LUZP2: variants seen among roughly 807,000 people sequenced by gnomAD.
LUZP2 encodes the protein leucine zipper protein 2.
In LUZP2, 52 loss-of-function variants were observed where a neutral mutation model predicts 51.6. The ratio of observed to expected loss-of-function variants is 1.01; its 90% CI spans 0.81 to 1.27. The LOEUF is 1.27. Ranked by LOEUF, LUZP2 falls within the 50% of genes most tolerant of loss-of-function variation. The pLI is 0.00. For synonymous variants in LUZP2, 154 were observed against 137.3 expected (o/e 1.12, Z -0.85); for missense variants, 436 against 395.4 (o/e 1.10, Z -0.87).
chr11:25,008,861 G>A (rs565657978), intron 9 of LUZP2, among the ~76,000 whole-genome samples: 21 of 152,244 alleles, frequency 1.4e-4, no homozygotes, highest in African/African-American at 5.1e-4. Context: ...TGGCCCATGG[G>A]CGGGCCTGGG....
intron 5 of LUZP2, among the ~76,000 whole-genome samples, chr11:24,797,346 G>A (rs1849575358): frequency 6.6e-6 from 1 of 152,184 alleles, no homozygotes; most frequent in Admixed American, 6.5e-5. Context: ...TGTGATGCCA[G>A]GAAGATGATG....
chr11:24,574,983 G>C (rs945359719), intron 1 of LUZP2, among the ~76,000 whole-genome samples: 30 of 152,262 alleles, frequency 2.0e-4, no homozygotes, highest in African/African-American at 7.0e-4. Flanking sequence ...TTTGAGGGGA[G>C]AGTTGAGGTT....
intron 5 of LUZP2, among the ~76,000 whole-genome samples, chr11:24,798,189 G>A (rs549447968): frequency 3.6e-5 from 5 of 137,592 alleles, no homozygotes; most frequent in Non-Finnish European, 6.3e-5. Context: ...GAAGCTAGGG[G>A]CATCTTATAT....
At chr11:24,780,867 G>A (rs1410970179) in intron 5 of LUZP2, among the ~76,000 whole-genome samples, 1 of 152,006 alleles carries the variant, frequency 6.6e-6, no homozygotes, top group East Asian at 1.9e-4. Context: ...TTATTTTTAA[G>A]AACACTACTA....
At chr11:24,588,642 C>A (rs5012310) in intron 1 of LUZP2, among the ~76,000 whole-genome samples, 146,368 of 151,462 alleles carry the variant, frequency 0.97, 70,741 homozygotes, top group Non-Finnish European at 1. Flanking sequence ...TAATTTTTTC[C>A]CAAAAAGATT....
At chr11:24,930,934 C>A (rs1487013632) in intron 7 of LUZP2, among the ~76,000 whole-genome samples, 1 of 152,142 alleles carries the variant, frequency 6.6e-6, no homozygotes, top group Admixed American at 6.6e-5. Flanking sequence ...AAATTCATGG[C>A]TGGGCACAGT....
intron 1 of LUZP2, among the ~76,000 whole-genome samples, chr11:24,573,631 G>C (rs758253464): frequency 4.1e-4 from 63 of 151,980 alleles, no homozygotes; most frequent in Non-Finnish European, 7.4e-4. Context: ...AGCGTGCTCT[G>C]TTAGGATTAG....
At chr11:24,915,200 T>C (rs1052338871) in intron 7 of LUZP2, among the ~76,000 whole-genome samples, 2 of 152,150 alleles carry the variant, frequency 1.3e-5, no homozygotes, top group Admixed American at 6.6e-5. Flanking sequence ...TGTAGGACTT[T>C]CATTAACTCA....
chr11:24,869,451 A>G (rs1182455162), intron 5 of LUZP2, among the ~76,000 whole-genome samples: 5 of 111,526 alleles, frequency 4.5e-5, no homozygotes, highest in Non-Finnish European at 9.9e-5. Flanking sequence ...CTTTTCCATC[A>G]TTATTATTAT....
chr11:25,078,253 G>A (rs970410782), intron 11 of LUZP2, among the ~76,000 whole-genome samples: 3 of 152,178 alleles, frequency 2.0e-5, no homozygotes, highest in Non-Finnish European at 4.4e-5. Context: ...AAAACGTGGA[G>A]TTAGATTTAA....
intron 5 of LUZP2, among the ~76,000 whole-genome samples, chr11:24,902,099 A>C (rs1335197829): frequency 6.6e-6 from 1 of 152,182 alleles, no homozygotes; most frequent in Non-Finnish European, 1.5e-5. Context: ...CAAATTTAGG[A>C]AAATCATTTA....
chr11:24,737,317 C>G (rs1858979742), intron 3 of LUZP2, among the ~76,000 whole-genome samples: 1 of 151,986 alleles, frequency 6.6e-6, no homozygotes. Flanking sequence ...CAGAGCTAAT[C>G]TTTTGGCACT....
At chr11:24,570,892 T>C (rs2133799732) in intron 1 of LUZP2, among the ~76,000 whole-genome samples, 1 of 152,174 alleles carries the variant, frequency 6.6e-6, no homozygotes, top group South Asian at 2.1e-4. Context: ...AGGAAATGAT[T>C]TATCTGAAAT....
At chr11:24,890,846 G>GA (rs916507665) in intron 5 of LUZP2, 46 of 885,600 alleles carry the variant, frequency 5.2e-5, no homozygotes, top group East Asian at 1.3e-4. Context: ...ATCACATATA[G>GA]AAAAAATATA....
intron 1 of LUZP2, among the ~76,000 whole-genome samples, chr11:24,514,079 T>C (rs1026832797): frequency 6.6e-6 from 1 of 152,118 alleles, no homozygotes; most frequent in Non-Finnish European, 1.5e-5. Flanking sequence ...TAAAGATGAG[T>C]GGTACCCCTA....
intron 7 of LUZP2, among the ~76,000 whole-genome samples, chr11:24,943,052 A>T (rs1303363417): frequency 2.0e-5 from 3 of 152,194 alleles, no homozygotes; most frequent in Non-Finnish European, 4.4e-5. Context: ...TATGCCACTT[A>T]TTTCATGGAT....
chr11:24,876,335 C>A (rs1196646735), intron 5 of LUZP2, among the ~76,000 whole-genome samples: 3 of 149,888 alleles, frequency 2.0e-5, no homozygotes, highest in Admixed American at 6.7e-5. Flanking sequence ...GTTTTCCCAG[C>A]ACCATTTATT....
At chr11:24,774,332 T>TTCTCTCTCTCTCTCTC (rs374302170) in intron 5 of LUZP2, among the ~76,000 whole-genome samples, 468 of 41,800 alleles carry the variant, frequency 0.011, 16 homozygotes, top group South Asian at 0.013. Flanking sequence ...CTTAGTAAAC[T>TTCTCTCTCTCTCTCTC]TCTCTCTCTC....
intron 5 of LUZP2, among the ~76,000 whole-genome samples, chr11:24,886,939 A>T (rs1297716429): frequency 3.9e-5 from 6 of 152,194 alleles, no homozygotes; most frequent in Non-Finnish European, 1.5e-5. Context: ...GGGGTGCTGA[A>T]CATGGGCATT....
Sources: gnomAD v4.1 joint callset for allele counts (sites outside exome capture counted in the v4.1 genomes callset) on GRCh38, gnomAD v4.1.1 for gene constraint, MANE v1.5 for transcripts, NCBI Gene and HGNC (gene_info 2026-07-23, HGNC 2026-07-21) for gene names.